FLVCR2: variants seen among roughly 807,000 people sequenced by gnomAD.
The protein encoded by FLVCR2 is choline/ethanolamine transporter FLVCR2.
A neutral mutation model predicts 48.9 loss-of-function variants in FLVCR2; 38 were observed. The observed-to-expected ratio is 0.78, with a 90% CI of 0.60 to 1.02. The LOEUF (loss-of-function observed/expected upper bound fraction) is 1.02, where lower values mean the gene tolerates loss of function less well. FLVCR2 is among the 50% of genes least tolerant of loss of function. FLVCR2 has a pLI of 0.00. For synonymous variants in FLVCR2, 255 were observed against 257.0 expected (o/e 0.99, Z 0.07); for missense variants, 664 against 663.3 (o/e 1.00, Z -0.01).
chr14:75,631,198 GC>G (rs947249605), intron 3 of FLVCR2, among the ~76,000 whole-genome samples: 34 of 152,138 alleles, frequency 2.2e-4, no homozygotes, highest in African/African-American at 8.2e-4. Context: ...CCCTCTCGCC[GC>G]CCTTTAGCCC....
intron 1 of FLVCR2, chr14:75,595,962 G>T: frequency 6.6e-7 from 1 of 1,515,308 alleles, no homozygotes; most frequent in Non-Finnish European, 9.1e-7. Context: ...ATTTTTCTTT[G>T]CATAATCCAG....
At chr14:75,596,161 G>A (rs1006609478) in intron 1 of FLVCR2, 24 of 780,388 alleles carry the variant, frequency 3.1e-5, no homozygotes, top group African/African-American at 1.4e-4. Flanking sequence ...TGAAGTCGTC[G>A]GTTGATCATG....
chr14:75,618,889 T>G (rs1199839103), intron 1 of FLVCR2, among the ~76,000 whole-genome samples: 2 of 151,798 alleles, frequency 1.3e-5, no homozygotes, highest in African/African-American at 4.8e-5. Flanking sequence ...AGCAGGGTTT[T>G]TTTTTTTTTT....
chr14:75,641,167 T>C lies in FLVCR2; in HGVS notation c.1342-15T>C. ...GACTGGGCCCTTGTTTCCTATCTTC[T>C]TTATGCCTTTCCAGGTATTTGGGAT... On this transcript the variant is annotated splice_polypyrimidine_tract_variant and intron_variant, in intron 7 of 9. Coordinates refer to ENST00000238667, the MANE Select transcript of FLVCR2 (RefSeq NM_017791.3). 6.3e-7 allele frequency: 1 copy of C among 1,594,002 alleles called. No homozygotes were observed. Among genetic ancestry groups the C allele is most frequent in the Non-Finnish European group, 8.6e-7 (1 of 1,161,712 alleles).
At chr14:75,618,864 G>T (rs1296623582) in intron 1 of FLVCR2, among the ~76,000 whole-genome samples, 1 of 151,998 alleles carries the variant, frequency 6.6e-6, no homozygotes. Flanking sequence ...TGTGACCCTG[G>T]GCAGGGTGCT....
At chr14:75,639,076 G>A (rs904217254) in intron 5 of FLVCR2, among the ~76,000 whole-genome samples, 18 of 152,094 alleles carry the variant, frequency 1.2e-4, no homozygotes, top group Admixed American at 9.2e-4. Flanking sequence ...TTAGCCAGGC[G>A]TGATGCGCAC....
chr14:75,600,297 C>T (rs1196500254), intron 1 of FLVCR2, among the ~76,000 whole-genome samples: 1 of 152,188 alleles, frequency 6.6e-6, no homozygotes, highest in Non-Finnish European at 1.5e-5. Flanking sequence ...CCCTTAGTTC[C>T]TGGAATTGCC....
At chr14:75,642,064 G>C in intron 9 of FLVCR2, 166 bp downstream of exon 9, 1 of 655,456 alleles carries the variant, frequency 1.5e-6, no homozygotes, top group South Asian at 1.8e-5. Context: ...TCCTCAGTGG[G>C]CATCTTTGGC....
intron 2 of FLVCR2, among the ~76,000 whole-genome samples, chr14:75,623,653 C>T (rs1006524678): frequency 2.0e-5 from 3 of 151,672 alleles, no homozygotes; most frequent in Non-Finnish European, 4.4e-5. Flanking sequence ...TGTGTTTTTT[C>T]AGTTCTCTGT....
At chr14:75,629,676 T>C (rs1889991992) in intron 3 of FLVCR2, among the ~76,000 whole-genome samples, 1 of 152,276 alleles carries the variant, frequency 6.6e-6, no homozygotes, top group Non-Finnish European at 1.5e-5. Flanking sequence ...CCTCCTCTAA[T>C]GTCTTATTAT....
chr14:75,625,267 A>G (rs938378412), intron 3 of FLVCR2, among the ~76,000 whole-genome samples: 2 of 149,862 alleles, frequency 1.3e-5, no homozygotes, highest in African/African-American at 5.1e-5. Flanking sequence ...TCACTCCTCA[A>G]CCAGTCCTCC....
At chr14:75,635,138 G>T in intron 5 of FLVCR2, 125 bp downstream of exon 5, 1 of 719,550 alleles carries the variant, frequency 1.4e-6, no homozygotes, top group South Asian at 1.5e-5. Context: ...ATTCAAGTTT[G>T]ACTTCTCTGA....
At chr14:75,628,600 A>G (rs1223270908) in intron 3 of FLVCR2, among the ~76,000 whole-genome samples, 1 of 152,224 alleles carries the variant, frequency 6.6e-6, no homozygotes. Context: ...AGCATTTCAC[A>G]GGCACATGTA....
chr14:75,596,237 G>T, intron 1 of FLVCR2: 1 of 621,216 alleles, frequency 1.6e-6, no homozygotes, highest in Non-Finnish European at 2.9e-6. Context: ...CAGCCAGGGA[G>T]GAAAAGCATG....
At chr14:75,631,488 G>A (rs574766843) in intron 3 of FLVCR2, among the ~76,000 whole-genome samples, 27 of 152,298 alleles carry the variant, frequency 1.8e-4, no homozygotes, top group African/African-American at 6.5e-4. Context: ...TGTTCCCCAG[G>A]TCTTTATCAG....
chr14:75,632,900 G>GTCATCA (rs763158271), intron 3 of FLVCR2: 14 of 702,194 alleles, frequency 2.0e-5, no homozygotes, highest in Non-Finnish European at 3.6e-5. Flanking sequence ...AGCCGCCATT[G>GTCATCA]TCATCATCAT....
At chr14:75,646,329 A>T (rs1890420670) in intron 9 of FLVCR2, 72 bp from the exon 10 acceptor site, 3 of 1,027,442 alleles carry the variant, frequency 2.9e-6, no homozygotes, top group Admixed American at 3.5e-5. Context: ...AGTCATGGCC[A>T]GGCAGCTGCT....
At chr14:75,585,629 C>G (rs562428923) in intron 1 of FLVCR2, among the ~76,000 whole-genome samples, 140 of 152,108 alleles carry the variant, frequency 9.2e-4, no homozygotes, top group African/African-American at 3.3e-3. Context: ...TGACTTGCCA[C>G]CAAGGGAATG....
intron 1 of FLVCR2, among the ~76,000 whole-genome samples, chr14:75,586,527 C>G (rs894791894): frequency 6.6e-6 from 1 of 152,196 alleles, no homozygotes; most frequent in Non-Finnish European, 1.5e-5. Flanking sequence ...GGACTATTTT[C>G]TCCTATCTAT....
Sources: allele counts gnomAD v4.1 joint callset (sites outside exome capture counted in the v4.1 genomes callset), GRCh38; gene constraint gnomAD v4.1.1; transcripts MANE v1.5; gene names NCBI Gene and HGNC (gene_info 2026-07-23, HGNC 2026-07-21).